CD4: variants seen among roughly 807,000 people sequenced by gnomAD.
CD4 encodes T-cell surface glycoprotein CD4.
CD4 carries 25 observed loss-of-function variants against 50.5 expected under a neutral mutation model. That is an observed-to-expected ratio of 0.49 (90% CI 0.36 to 0.69). The LOEUF (loss-of-function observed/expected upper bound fraction) is 0.69. CD4 is among the 30% of genes least tolerant of loss of function. The pLI is 0.00. For missense variants in CD4, 456 were observed against 548.5 expected, an observed-to-expected ratio of 0.83 and a Z score of 1.68; for synonymous variants, 207 against 221.9, an observed-to-expected ratio of 0.93 and a Z score of 0.60.
chr12:6,819,908 TAC>T lies in CD4; in HGVS notation c.*582_*583del, dbSNP rs1476930796. On this transcript the variant is annotated 3_prime_UTR_variant, in exon 10 of 10. Transcript: ENST00000011653. ...CAGCCCCTCTGGACACAGCCCCATGTACACGGCCTCAAGGGATGTCTCACATC... is the reference window on the plus strand; with the variant it reads ...CAGCCCCTCTGGACACAGCCCCATGTACGGCCTCAAGGGATGTCTCACATC... The T allele has an allele frequency of 6.5e-6, 1 of 153,728 alleles. No homozygotes were observed. Among genetic ancestry groups the T allele is most frequent in the African/African-American group, 2.4e-5 (1 of 41,458 alleles). The allele number at this position is 153,728 out of a possible 1,614,324, so 9.5% of individuals were successfully genotyped here.
rs1943211908 is a variant in CD4, at chr12:6,819,427, T to C, written c.*98T>C. On this transcript the variant is annotated 3_prime_UTR_variant, in exon 10 of 10. Transcript: ENST00000011653. ...ATGAATGTAGCAGATCCCCAGCCTC[T>C]GGCCTCCTGTTCGCCTCCTCTACAA... 8.8e-6 allele frequency: 10 copies of C among 1,134,022 alleles called. No individual in the cohort carries two copies. The highest frequency in any genetic ancestry group is 4.9e-5 in the South Asian group (4 of 81,004). The allele number at this position is 1,134,022 out of a possible 1,614,324, so 70.2% of individuals were successfully genotyped here.
At chr12:6,815,973 C>G (rs782203173) in intron 5 of CD4, 83 bp from the exon 6 acceptor site, 28 of 1,583,272 alleles carry the variant, frequency 1.8e-5, no homozygotes, top group Non-Finnish European at 2.4e-5. Context: ...TTCCATCTCC[C>G]TGCTGCCTCC....
At position 6,818,132 on chromosome 12, in the gene CD4, C is replaced by T. The variant is rs976307657; in HGVS notation, c.1157-289C>T. 3.3e-5 allele frequency among the ~76,000 whole-genome samples: 5 copies of T among 151,844 alleles called. No homozygotes were observed. Among genetic ancestry groups the T allele is most frequent in the African/African-American group, 7.3e-5 (3 of 41,302 alleles). ...CACACACATTCACACCATTCACACA[C>T]GCACACACATGCACACACTCACACA... On this transcript the variant is annotated intron_variant, in intron 7 of 9. Coordinates refer to ENST00000011653, the MANE Select transcript of CD4 (RefSeq NM_000616.5). This position sits in a 1 kb window ranked among gnomAD's most constrained non-coding sequence, Gnocchi z 5.0.
At chr12:6,817,371 G>C (rs199767708) in intron 7 of CD4, 41 bp downstream of exon 7, 4 of 1,520,734 alleles carry the variant, frequency 2.6e-6, no homozygotes, top group Non-Finnish European at 3.6e-6. Flanking sequence ...CCTGGGCTGC[G>C]GGACCTTCCT....
At chr12:6,789,791 GGAACT>G (rs1429543029) in intron 1 of CD4, 129 bp downstream of exon 1, 1 of 152,308 alleles carries the variant, frequency 6.6e-6, no homozygotes, top group Non-Finnish European at 1.5e-5. Flanking sequence ...CATTTCTCTT[GGAACT>G]GGTCATGAGC....
intron 3 of CD4, among the ~76,000 whole-genome samples, chr12:6,801,664 G>C (rs782370255): frequency 6.4e-4 from 94 of 147,480 alleles, no homozygotes; most frequent in African/African-American, 2.1e-3. Flanking sequence ...GGGTTCAAGT[G>C]ATTCTCCTGC....
intron 3 of CD4, among the ~76,000 whole-genome samples, chr12:6,807,463 C>A (rs1195368578): frequency 6.6e-6 from 1 of 151,922 alleles, no homozygotes; most frequent in Admixed American, 6.6e-5. Flanking sequence ...AAGCCAATCT[C>A]AAAAGGTAAT....
At chr12:6,802,045 C>T (rs776735395) in intron 3 of CD4, among the ~76,000 whole-genome samples, 23 of 150,244 alleles carry the variant, frequency 1.5e-4, no homozygotes, top group South Asian at 6.4e-4. Flanking sequence ...GGCTAATTTG[C>T]GTATTTTTAG....
At chr12:6,790,416 T>A (rs11064393) in intron 1 of CD4, among the ~76,000 whole-genome samples, 1 of 152,182 alleles carries the variant, frequency 6.6e-6, no homozygotes, top group African/African-American at 2.4e-5. Context: ...AAATGATTCA[T>A]GAAATAGGAA....
chr12:6,794,377 C>CTT (rs111700025), intron 1 of CD4, among the ~76,000 whole-genome samples: 3 of 131,780 alleles, frequency 2.3e-5, no homozygotes, highest in African/African-American at 2.9e-5. Flanking sequence ...ATATATCTAT[C>CTT]TTTTTTTTTT....
Position 6,819,528 on chromosome 12 carries a change from C to T in CD4, c.*199C>T, listed in dbSNP as rs782299603. 1.6e-6 allele frequency: 1 copy of T among 609,498 alleles called. No homozygotes were observed. The highest frequency in any genetic ancestry group is 1.8e-5 in the African/African-American group (1 of 54,132). The allele number at this position is 609,498 out of a possible 1,614,324, so 37.8% of individuals were successfully genotyped here. Reference sequence around the variant, plus strand: ...GCTCTCTAGTTTCCAGAGGCTTAATCACACCGTCCTCCACGCCATTTCCTT... The same window carrying T: ...GCTCTCTAGTTTCCAGAGGCTTAATTACACCGTCCTCCACGCCATTTCCTT... On this transcript the variant is annotated 3_prime_UTR_variant, in exon 10 of 10. Coordinates refer to ENST00000011653, the MANE Select transcript of CD4 (RefSeq NM_000616.5).
chr12:6,800,040 G>A, intron 1 of CD4, 32 bp from the exon 2 acceptor site: 1 of 1,075,728 alleles, frequency 9.3e-7, no homozygotes, highest in East Asian at 2.4e-5. Context: ...TCCAGTAAAT[G>A]TTTGCTGACT....
At chr12:6,808,079 C>CAAAA (rs34876182) in intron 3 of CD4, among the ~76,000 whole-genome samples, 24 of 70,102 alleles carry the variant, frequency 3.4e-4, no homozygotes, top group Non-Finnish European at 5.0e-4. Context: ...GGCTCTTTCT[C>CAAAA]AAAAAAAAAA....
rs1190403099 is a variant in CD4, at chr12:6,818,277, C to G, written c.1157-144C>G. On this transcript the variant is annotated intron_variant, in intron 7 of 9. Transcript: ENST00000011653. The surrounding 1 kb of genome is among the most constrained non-coding windows in gnomAD (Gnocchi z 5.0). ...AAACCGATTCCCCAGCACTGGCGGC[C>G]TTTGAGAGCCCCCAGGCACCCCTCC... 1.0e-6 allele frequency: 1 copy of G among 998,624 alleles called. No individual in the cohort carries two copies. Among genetic ancestry groups the G allele is most frequent in the Non-Finnish European group, 1.5e-6 (1 of 676,690 alleles). The allele number at this position is 998,624 out of a possible 1,614,324, so 61.9% of individuals were successfully genotyped here. A position where few individuals can be genotyped will look rare whatever the true frequency, so the allele number is the denominator to read the frequency against.
At chr12:6,811,976 A>T (rs1942951475) in intron 3 of CD4, among the ~76,000 whole-genome samples, 1 of 151,976 alleles carries the variant, frequency 6.6e-6, no homozygotes, top group African/African-American at 2.4e-5. Flanking sequence ...CACCCAGCTA[A>T]TTTTTTTTAA....
chr12:6,817,067 G>T, intron 6 of CD4, 63 bp from the exon 7 acceptor site: 2 of 1,409,880 alleles, frequency 1.4e-6, no homozygotes, highest in Non-Finnish European at 2.0e-6. Context: ...CCCATATAGA[G>T]TATCATTTTA....
In CD4 at chr12:6,792,742, G is replaced by A. The variant is rs1936227255; in HGVS notation, c.-68+3080G>A. On this transcript the variant is annotated intron_variant, in intron 1 of 9. Transcript: ENST00000011653. This position sits in a 1 kb window ranked among gnomAD's most constrained non-coding sequence, Gnocchi z 4.1. ...CAGGAGGACTGTGTACAGACCGGAA[G>A]GAGCTAGAGCTTAGTGGCAGCCTGA... is the stretch of plus-strand genomic sequence containing the variant. 6.6e-6 allele frequency among the ~76,000 whole-genome samples: 1 copy of A among 152,222 alleles called. No individual in the cohort carries two copies. Among genetic ancestry groups the A allele is most frequent in the South Asian group, 2.1e-4 (1 of 4,832 alleles).
chr12:6,815,106 A>C lies in CD4; in HGVS notation c.607+114A>C, dbSNP rs782146438. 55 of 738,304 alleles carry C rather than the reference A, an allele frequency of 7.4e-5. No individual in the cohort carries two copies. The East Asian group carries it at 1.5e-3, about 20-fold the overall frequency. The allele number at this position is 738,304 out of a possible 1,614,324, so 45.7% of individuals were successfully genotyped here. On this transcript the variant is annotated intron_variant, in intron 5 of 9. Transcript: ENST00000011653. ...TGGTGCTGGGAGGTCAGGAGTGGAGAAGACTAGGTCCCCTAGAGCTGAGGC... is the reference window on the plus strand; with the variant it reads ...TGGTGCTGGGAGGTCAGGAGTGGAGCAGACTAGGTCCCCTAGAGCTGAGGC...
Position 6,818,433 on chromosome 12 carries a change from G to A in CD4, c.1169G>A (p.Trp390Ter), listed in dbSNP as rs1555118449. ...CTCTCCCTTGCAGTTCTGCCCACAT[G>A]GTCCACCCCGGTGCAGCCAATGGCC... The part of the protein sequence containing the change: ...LESNIKVLPT[W>*]STPVQPMALI... The change falls in exon 8 of 10, where the codon TGG (tryptophan) becomes TAG (stop). Residue 390 changes from tryptophan (W) to a stop codon, truncating the protein, a stop_gained. Transcript: ENST00000011653. LOFTEE classifies it high-confidence loss of function. This position sits in a 1 kb window ranked among gnomAD's most constrained non-coding sequence, Gnocchi z 5.0. 2 of 1,612,518 alleles carry A rather than the reference G, an allele frequency of 1.2e-6. No individual in the cohort carries two copies. The highest frequency in any genetic ancestry group is 8.5e-7 in the Non-Finnish European group (1 of 1,180,028).
Sources: gnomAD v4.1 joint callset for allele counts (sites outside exome capture counted in the v4.1 genomes callset) on GRCh38, gnomAD v4.1.1 for gene constraint, Gnocchi (gnomAD v3.1) non-coding constraint, MANE v1.5 for transcripts, NCBI Gene and HGNC (gene_info 2026-07-23, HGNC 2026-07-21) for gene names.